Variants in MYO3A observed in about 807,000 individuals in gnomAD.
The protein encoded by MYO3A is myosin-IIIa.
In MYO3A, 180 loss-of-function variants were observed where a neutral mutation model predicts 192.7. The observed-to-expected ratio is 0.93, with a 90% confidence interval of 0.83 to 1.06. MYO3A has a LOEUF of 1.06. Ranked by LOEUF, MYO3A falls within the 50% of genes least tolerant of loss-of-function variation. The probability of loss-of-function intolerance (pLI) is 0.00; values close to 1 mark genes in which losing one functional copy is unlikely to be tolerated. For synonymous variants in MYO3A, 628 were observed against 645.3 expected (o/e 0.97, Z 0.41); for missense variants, 1,896 against 1,905.0 (o/e 1.00, Z 0.09).
chr10:26,116,476 A>T (rs960758136), intron 17 of MYO3A, among the ~76,000 whole-genome samples: 1 of 152,166 alleles, frequency 6.6e-6, no homozygotes, highest in African/African-American at 2.4e-5. Context: ...TACATTTGCA[A>T]TGAGCCTATT....
chr10:26,172,574 CAGTT>C (rs1842102533), intron 29 of MYO3A, among the ~76,000 whole-genome samples: 1 of 152,198 alleles, frequency 6.6e-6, no homozygotes, highest in Admixed American at 6.5e-5. Context: ...GGAACGTAAT[CAGTT>C]AGGGACTGCA....
chr10:25,993,667 T>G (rs944619121), intron 4 of MYO3A, among the ~76,000 whole-genome samples: 4 of 152,240 alleles, frequency 2.6e-5, no homozygotes, highest in African/African-American at 9.6e-5. Context: ...TAAATTTCCC[T>G]CTACACACTG....
intron 10 of MYO3A, among the ~76,000 whole-genome samples, chr10:26,059,846 A>G (rs1172557334): frequency 6.6e-6 from 1 of 152,216 alleles, no homozygotes; most frequent in African/African-American, 2.4e-5. Flanking sequence ...TGAACTGCAT[A>G]CTTAGATTTT....
intron 17 of MYO3A, among the ~76,000 whole-genome samples, chr10:26,109,084 G>T (rs1187658676): frequency 6.6e-6 from 1 of 152,140 alleles, no homozygotes; most frequent in Non-Finnish European, 1.5e-5. Flanking sequence ...GTTTAGTTCA[G>T]CACTATCTTA....
chr10:26,063,729 C>A (rs1834644441), intron 10 of MYO3A, among the ~76,000 whole-genome samples: 1 of 152,112 alleles, frequency 6.6e-6, no homozygotes. Context: ...AAAGTTTTAT[C>A]ATACAGATTG....
intron 10 of MYO3A, among the ~76,000 whole-genome samples, chr10:26,037,209 T>A (rs947335915): frequency 6.6e-6 from 1 of 152,246 alleles, no homozygotes; most frequent in African/African-American, 2.4e-5. Flanking sequence ...TGTGGATAGT[T>A]ACATGCATCT....
intron 4 of MYO3A, among the ~76,000 whole-genome samples, chr10:25,965,113 A>G (rs1048091583): frequency 1.2e-4 from 19 of 152,180 alleles, no homozygotes; most frequent in African/African-American, 4.6e-4. Context: ...GGTGTTCTAC[A>G]ACCTTCTTGC....
chr10:26,188,620 G>T (rs991797223), intron 31 of MYO3A, among the ~76,000 whole-genome samples: 2 of 152,154 alleles, frequency 1.3e-5, no homozygotes, highest in Non-Finnish European at 2.9e-5. Flanking sequence ...ATGGTTTTAG[G>T]TCTAACATTT....
intron 19 of MYO3A, among the ~76,000 whole-genome samples, chr10:26,127,962 A>G (rs2131745328): frequency 6.6e-6 from 1 of 152,184 alleles, no homozygotes; most frequent in Admixed American, 6.5e-5. Flanking sequence ...AGATTTTCAA[A>G]ATTGTTCTCC....
chr10:26,173,821 A>G lies in MYO3A; in HGVS notation c.3557A>G (p.Tyr1186Cys), dbSNP rs1314889785. 2 of 1,614,050 alleles carry G rather than the reference A, an allele frequency of 1.2e-6. No individual in the cohort carries two copies. Among genetic ancestry groups the G allele is most frequent in the Non-Finnish European group, 1.7e-6 (2 of 1,180,044 alleles). Residue 1186 changes from tyrosine (Y) to cysteine (C), a missense_variant, in exon 30 of 35, where the codon TAT becomes TGT. Tyr to Cys is a radical substitution (Grantham distance 194). Coordinates refer to ENST00000642920, the MANE Select transcript of MYO3A (RefSeq NM_017433.5). The stretch of plus-strand genomic sequence containing the variant: ...GCTGTGGAGAGTAACAACAGAGTGT[A>G]TCAGACTCCAAAAAAAATGAATAAT... Reference protein sequence around the residue: ...TNAVESNNRVYQTPKKMNNVY... With the variant: ...TNAVESNNRVCQTPKKMNNVY...
chr10:26,183,960 C>G (rs1459420147), intron 31 of MYO3A, among the ~76,000 whole-genome samples: 2 of 152,146 alleles, frequency 1.3e-5, no homozygotes, highest in African/African-American at 2.4e-5. Context: ...AAGGCTCAGG[C>G]CTGTAATCCC....
intron 19 of MYO3A, among the ~76,000 whole-genome samples, chr10:26,127,485 G>A (rs567039448): frequency 2.6e-5 from 4 of 152,208 alleles, no homozygotes; most frequent in African/African-American, 9.6e-5. Flanking sequence ...CTTTCCTTTT[G>A]TCCATCCCAG....
intron 14 of MYO3A, among the ~76,000 whole-genome samples, chr10:26,080,605 C>CG (rs1835863942): frequency 5.0e-5 from 1 of 20,052 alleles, no homozygotes; most frequent in Non-Finnish European, 1.2e-4. Context: ...GGAGGCGGGG[C>CG]GGGGGTGGGT....
chr10:26,041,934 T>C lies in MYO3A; in HGVS notation c.953+15402T>C, dbSNP rs150823738. Among the ~76,000 whole-genome samples, 178 of 152,290 alleles carry C rather than the reference T, an allele frequency of 1.2e-3. 1 individual carries two copies. Among genetic ancestry groups the C allele is most frequent in the African/African-American group, 3.5e-3 (145 of 41,580 alleles). ...AGCAAATTTTGTACCTTAAAATGAT[T>C]TCTTATTGCTCATTAAAATACTTTT... On this transcript the variant is annotated intron_variant, in intron 10 of 34. Coordinates refer to ENST00000642920, the MANE Select transcript of MYO3A (RefSeq NM_017433.5).
intron 2 of MYO3A, among the ~76,000 whole-genome samples, chr10:25,951,425 G>A (rs1365968441): frequency 6.6e-6 from 1 of 152,112 alleles, no homozygotes; most frequent in Non-Finnish European, 1.5e-5. Context: ...CTAAGCTGAG[G>A]TCTGAAAGAT....
At position 26,068,988 on chromosome 10, in the gene MYO3A, A is replaced by C. The variant is rs1588895237; in HGVS notation, c.1170+104A>C. On this transcript the variant is annotated intron_variant, in intron 12 of 34. Transcript: ENST00000642920. ...CCAGAAAATTTTATCCAGTATTTTG[A>C]ATAAACAGTTACATAATTTTTGTTA... 3 of 779,216 alleles carry C rather than the reference A, an allele frequency of 3.9e-6. No homozygotes were observed. In the East Asian group the frequency reaches 8.2e-5, roughly 21 times the overall value. The allele number at this position is 779,216 out of a possible 1,614,324, so 48.3% of individuals were successfully genotyped here. A position where few individuals can be genotyped will look rare whatever the true frequency, so the allele number is the denominator to read the frequency against.
At chr10:25,964,449 C>T (rs1230317083) in intron 4 of MYO3A, among the ~76,000 whole-genome samples, 1 of 152,120 alleles carries the variant, frequency 6.6e-6, no homozygotes, top group Non-Finnish European at 1.5e-5. Flanking sequence ...TTTGCATATA[C>T]AAACAAACAA....
chr10:25,974,944 G>A (rs1199189957), intron 4 of MYO3A, among the ~76,000 whole-genome samples: 1 of 152,164 alleles, frequency 6.6e-6, no homozygotes, highest in Admixed American at 6.5e-5. Context: ...GGAAAAGAAA[G>A]CTTTATTTCT....
rs757428407 is a variant in MYO3A, at chr10:26,028,725, T to C, written c.953+2193T>C. Among the ~76,000 whole-genome samples the C allele has an allele frequency of 5.3e-5, 8 of 152,316 alleles. No homozygotes were observed. In the East Asian group the frequency reaches 1.5e-3, roughly 29 times the overall value. ...ATGCTGGTAGAAGACACAAGATTCA[T>C]GGATGAGAGACAAAGGACTTTACTA... On this transcript the variant is annotated intron_variant, in intron 10 of 34. Transcript: ENST00000642920.
Sources: gnomAD v4.1 joint callset for allele counts (sites outside exome capture counted in the v4.1 genomes callset) on GRCh38, gnomAD v4.1.1 for gene constraint, MANE v1.5 for transcripts, NCBI Gene and HGNC (gene_info 2026-07-23, HGNC 2026-07-21) for gene names.